DHX29: variants seen among roughly 807,000 people sequenced by gnomAD.
DHX29 encodes ATP-dependent RNA helicase DHX29.
A neutral mutation model predicts 167.9 loss-of-function variants in DHX29; 79 were observed. That is an observed-to-expected ratio of 0.47 (90% CI 0.39 to 0.57). DHX29 has a LOEUF of 0.57. Ranked by LOEUF, DHX29 falls within the 20% of genes least tolerant of loss-of-function variation. The probability of loss-of-function intolerance (pLI) is 0.00; values close to 1 mark genes in which losing one functional copy is unlikely to be tolerated. For synonymous variants in DHX29, 530 were observed against 546.0 expected, an observed-to-expected ratio of 0.97 and a Z score of 0.41; for missense variants, 1,347 against 1,593.4, an observed-to-expected ratio of 0.85 and a Z score of 2.63.
At chr5:55,291,134 C>T (rs1266374716) in intron 6 of DHX29, among the ~76,000 whole-genome samples, 1 of 152,126 alleles carries the variant, frequency 6.6e-6, no homozygotes, top group Non-Finnish European at 1.5e-5. Flanking sequence ...AAAAAAATGG[C>T]TTTTGAGGAA....
Position 55,279,738 on chromosome 5 carries a change from GT to G in DHX29, c.2109+1633del, listed in dbSNP as rs550132982. 523 of 110,904 alleles carry G rather than the reference GT, an allele frequency of 4.7e-3. 2 individuals are homozygous for G. Among genetic ancestry groups the G allele is most frequent in the Middle Eastern group, 0.029 (7 of 240 alleles). The allele number at this position is 110,904 out of a possible 1,614,324, so 6.9% of individuals were successfully genotyped here. On this transcript the variant is annotated intron_variant, in intron 12 of 26. Coordinates refer to ENST00000251636, the MANE Select transcript of DHX29 (RefSeq NM_019030.4). ...TGTTTTGTTTTGTTTTGCTGTTTTT[GT>G]TTTTTTTTTTTGGAGAGAGGGGGTC...
intron 25 of DHX29, 133 bp downstream of exon 25, chr5:55,261,235 T>A (rs2111781821): frequency 2.1e-6 from 1 of 468,866 alleles, no homozygotes; most frequent in Middle Eastern, 5.7e-4. Flanking sequence ...AGAGGCAAGA[T>A]AAAATAAGGA....
intron 4 of DHX29, among the ~76,000 whole-genome samples, 182 bp downstream of exon 4, chr5:55,296,038 A>G (rs575144117): frequency 6.6e-6 from 1 of 152,298 alleles, no homozygotes; most frequent in East Asian, 1.9e-4. Context: ...AAAACATAAT[A>G]TTTTCTTGCA....
At chr5:55,265,244 G>C (rs1340003863) in intron 23 of DHX29, among the ~76,000 whole-genome samples, 2 of 150,026 alleles carry the variant, frequency 1.3e-5, no homozygotes, top group Admixed American at 1.3e-4. Flanking sequence ...CAATAGGTCT[G>C]AGTGTTATCA....
intron 12 of DHX29, among the ~76,000 whole-genome samples, chr5:55,279,265 T>C (rs1469438086): frequency 1.3e-5 from 2 of 152,126 alleles, no homozygotes; most frequent in African/African-American, 4.8e-5. Flanking sequence ...ACACTTTTAC[T>C]TTGGTGGTTT....
intron 1 of DHX29, among the ~76,000 whole-genome samples, chr5:55,304,425 C>T (rs185801229): frequency 6.6e-6 from 1 of 151,402 alleles, no homozygotes; most frequent in African/African-American, 2.4e-5. Context: ...CATTCTCCTG[C>T]CTCAGCCTCT....
At chr5:55,307,207 G>A (rs1748915794) in intron 1 of DHX29, among the ~76,000 whole-genome samples, 180 bp downstream of exon 1, 1 of 152,236 alleles carries the variant, frequency 6.6e-6, no homozygotes, top group African/African-American at 2.4e-5. Context: ...AATTTTGGAG[G>A]CCCAAAGAGC....
chr5:55,291,374 C>T (rs944827445), intron 6 of DHX29, among the ~76,000 whole-genome samples: 2 of 152,130 alleles, frequency 1.3e-5, no homozygotes, highest in African/African-American at 4.8e-5. Flanking sequence ...TGTGTAAAGA[C>T]AAATATCAAT....
rs372698671 is a variant in DHX29, at chr5:55,269,422, A to G, written c.3285T>C (p.Leu1095=). The change falls in exon 21 of 27, where the codon CTT becomes CTC. Residue 1095 remains leucine, a synonymous_variant. Coordinates refer to ENST00000251636, the MANE Select transcript of DHX29 (RefSeq NM_019030.4). ...MLIFGAIFGC[L]DPVATLAAVM... is the part of the protein sequence containing the mutation. ...GCATTGTTTGACTTACCACTGGGTC[A>G]AGGCAGCCAAATATGGCACCAAAAA... 6 of 1,612,666 alleles carry G rather than the reference A, an allele frequency of 3.7e-6. No homozygotes were observed. Among genetic ancestry groups the G allele is most frequent in the Non-Finnish European group, 5.1e-6 (6 of 1,179,960 alleles).
chr5:55,286,803 C>T (rs1189936484), intron 8 of DHX29, among the ~76,000 whole-genome samples: 1 of 152,216 alleles, frequency 6.6e-6, no homozygotes, highest in African/African-American at 2.4e-5. Flanking sequence ...CTGGATAGTA[C>T]AGATATAGAA....
chr5:55,270,557 A>G, intron 19 of DHX29, 21 bp downstream of exon 19: 1 of 1,613,952 alleles, frequency 6.2e-7, no homozygotes, highest in African/African-American at 1.3e-5. Context: ...TGTGTTTTAC[A>G]TTTCCAGTGC....
rs112097911 is a variant in DHX29, at chr5:55,287,604, C to A, written c.1066+1666G>T. Among the ~76,000 whole-genome samples the A allele has an allele frequency of 2.4e-3, 362 of 152,024 alleles. 1 individual carries two copies. Among genetic ancestry groups the A allele is most frequent in the Middle Eastern group, 0.017 (5 of 290 alleles). On this transcript the variant is annotated intron_variant, in intron 8 of 26. Coordinates refer to ENST00000251636, the MANE Select transcript of DHX29 (RefSeq NM_019030.4). ...AATTTTTTTTTAAAAAAACAATTAA[C>A]TAAAAAACTTCTACAGTTTTTAGAA...
chr5:55,259,943 G>C lies in DHX29; in HGVS notation c.3962C>G (p.Ala1321Gly). The change falls in exon 26 of 27, where the codon GCC becomes GGC. Residue 1321 changes from alanine to glycine, a missense_variant and splice_region_variant. Transcript: ENST00000251636. The part of the protein sequence containing the change: ...LSIDGWIYFQ[A>G]PVKIAVIFKQ... ...GAAAATGACAGCTATCTTTACAGGG[G>C]CCTGTTAAGAGGAGTTGAAAAAATG... is the stretch of plus-strand genomic sequence containing the variant. 1 of 1,595,710 alleles carries C rather than the reference G, an allele frequency of 6.3e-7. No individual in the cohort carries two copies. The highest frequency in any genetic ancestry group is 8.6e-7 in the Non-Finnish European group (1 of 1,163,956).
chr5:55,294,296 C>A, intron 5 of DHX29, 151 bp from the exon 6 acceptor site: 5 of 730,482 alleles, frequency 6.8e-6, no homozygotes, highest in South Asian at 4.7e-5. Context: ...AATAAATTGA[C>A]CTTAACATTA....
intron 16 of DHX29, 107 bp from the exon 17 acceptor site, chr5:55,273,484 A>G: frequency 3.1e-6 from 4 of 1,283,980 alleles, no homozygotes; most frequent in South Asian, 2.9e-5. Flanking sequence ...ATTTTTTACT[A>G]TGAAAAAATT....
rs113302475 is a variant in DHX29, at chr5:55,277,427, A to T, written c.2110-145T>A. On this transcript the variant is annotated intron_variant, in intron 12 of 26. Coordinates refer to ENST00000251636, the MANE Select transcript of DHX29 (RefSeq NM_019030.4). ...CATGTGCGGGGAGGGAGAAGCTGTA[A>T]GTTTTAAATAAGACAGATCTTCAGA... 1.4e-3 allele frequency: 759 copies of T among 525,970 alleles called. 6 individuals carry two copies. Among genetic ancestry groups the T allele is most frequent in the Middle Eastern group, 0.014 (27 of 1,974 alleles). The allele number at this position is 525,970 out of a possible 1,614,324, so 32.6% of individuals were successfully genotyped here.
intron 1 of DHX29, among the ~76,000 whole-genome samples, chr5:55,305,805 G>T (rs571871714): frequency 6.6e-6 from 1 of 152,308 alleles, no homozygotes; most frequent in East Asian, 1.9e-4. Context: ...AAAAAATAGG[G>T]TCAGAGAATC....
chr5:55,269,340 A>G (rs749108815), intron 21 of DHX29, 73 bp downstream of exon 21: 4 of 1,485,330 alleles, frequency 2.7e-6, no homozygotes, highest in Non-Finnish European at 3.7e-6. Context: ...TTACTTAACA[A>G]TTGTTTCCAA....
chr5:55,300,436 G>T (rs766893348), intron 1 of DHX29, among the ~76,000 whole-genome samples: 5 of 152,302 alleles, frequency 3.3e-5, no homozygotes, highest in Non-Finnish European at 7.4e-5. Flanking sequence ...CACTTGGGAC[G>T]CGGAGGCGGG....
Sources: gnomAD v4.1 joint callset for allele counts (sites outside exome capture counted in the v4.1 genomes callset) on GRCh38, gnomAD v4.1.1 for gene constraint, MANE v1.5 for transcripts, NCBI Gene and HGNC (gene_info 2026-07-23, HGNC 2026-07-21) for gene names.